The following CCDC43 variants were observed in gnomAD, a reference collection of about 807,000 sequenced individuals.
The protein encoded by CCDC43 is coiled-coil domain-containing protein 43.
Under a neutral mutation model 33.3 loss-of-function variants are expected in CCDC43, and 20 were observed. The ratio of observed to expected loss-of-function variants is 0.60; its 90% CI spans 0.42 to 0.87. The LOEUF (loss-of-function observed/expected upper bound fraction) is 0.87. CCDC43 is among the 40% of genes least tolerant of loss of function. The pLI is 0.00. For synonymous variants in CCDC43, 104 were observed against 106.5 expected, an observed-to-expected ratio of 0.98 and a Z score of 0.14; for missense variants, 248 against 269.9, an observed-to-expected ratio of 0.92 and a Z score of 0.57.
intron 2 of CCDC43, among the ~76,000 whole-genome samples, chr17:44,682,783 G>A (rs1351877532): frequency 1.3e-5 from 2 of 152,064 alleles, no homozygotes; most frequent in African/African-American, 4.8e-5. Context: ...GTGAACCCGG[G>A]GAGGCGGAGC....
At chr17:44,687,655 G>C (rs1972259679) in intron 1 of CCDC43, 1 of 151,022 alleles carries the variant, frequency 6.6e-6, no homozygotes, top group African/African-American at 2.4e-5. Context: ...AACAGAAACA[G>C]CTCCAAATAA....
chr17:44,682,682 C>T (rs1185783451), intron 2 of CCDC43, among the ~76,000 whole-genome samples: 1 of 152,056 alleles, frequency 6.6e-6, no homozygotes, highest in Non-Finnish European at 1.5e-5. Context: ...ACAGTGAAAC[C>T]CCGTCTCTAC....
intron 1 of CCDC43, 111 bp from the exon 2 acceptor site, chr17:44,684,070 A>G (rs979039680): frequency 5.8e-6 from 4 of 695,298 alleles, no homozygotes; most frequent in African/African-American, 1.8e-5. Flanking sequence ...AAATTATGGA[A>G]GGGTCTGGGA....
chr17:44,687,255 C>G (rs1972251568), intron 1 of CCDC43, among the ~76,000 whole-genome samples: 1 of 151,842 alleles, frequency 6.6e-6, no homozygotes. Flanking sequence ...CCAGCCTGGT[C>G]AACATGGTGA....
intron 1 of CCDC43, 129 bp from the exon 2 acceptor site, chr17:44,684,088 T>C (rs1027964295): frequency 9.3e-6 from 6 of 644,574 alleles, no homozygotes; most frequent in South Asian, 1.8e-5. Context: ...GGAGCCACAA[T>C]AGAGTATGTT....
rs1328011503 is a variant in CCDC43 at position 44,682,002 on chromosome 17, T to G, written c.428+1A>C. The G allele has an allele frequency of 4.6e-5, 74 of 1,613,856 alleles. No individual in the cohort carries two copies. Among genetic ancestry groups the G allele is most frequent in the Non-Finnish European group, 6.3e-5 (74 of 1,179,882 alleles). On this transcript the variant is annotated splice_donor_variant, in intron 3 of 4. Transcript: ENST00000315286. LOFTEE classifies it high-confidence loss of function. ...TGGTGCCGAGACTCCAGAAAGGATA[T>G]TCCTCTTCATCTGTCACATCAGCAT...
At chr17:44,689,383 T>C (rs760467817) in intron 1 of CCDC43, 167 bp downstream of exon 1, 12 of 953,336 alleles carry the variant, frequency 1.3e-5, no homozygotes, top group Non-Finnish European at 1.7e-5. Context: ...CCACACCTGG[T>C]TGGGGAGCAA....
intron 4 of CCDC43, among the ~76,000 whole-genome samples, chr17:44,680,294 T>G (rs932325785): frequency 6.6e-6 from 1 of 152,118 alleles, no homozygotes; most frequent in Non-Finnish European, 1.5e-5. Context: ...GACCTCAATA[T>G]TATTTTAATT....
At chr17:44,688,602 T>C (rs918472641) in intron 1 of CCDC43, among the ~76,000 whole-genome samples, 2 of 152,230 alleles carry the variant, frequency 1.3e-5, no homozygotes, top group African/African-American at 4.8e-5. Context: ...AGCAATCAGG[T>C]ATCCAGGATC....
In CCDC43 at chr17:44,682,225, G is replaced by A. The variant is rs562512506; in HGVS notation, c.293-87C>T. On this transcript the variant is annotated intron_variant, in intron 2 of 4. Transcript: ENST00000315286. The stretch of plus-strand genomic sequence containing the variant: ...AGTCCACATAGGCAGCACTTGTACT[G>A]AAGACATTGGCATCTGCTGCCTCCT... 185 of 1,505,672 alleles carry A rather than the reference G, an allele frequency of 1.2e-4. No individual in the cohort carries two copies. The African/African-American group carries it at 2.2e-3, about 18-fold the overall frequency. The allele number at this position is 1,505,672 out of a possible 1,614,324, so 93.3% of individuals were successfully genotyped here.
intron 1 of CCDC43, chr17:44,687,742 C>G (rs1157320639): frequency 6.6e-6 from 1 of 152,194 alleles, no homozygotes; most frequent in Non-Finnish European, 1.5e-5. Flanking sequence ...TTAGAAACTT[C>G]CCAGCTGTAA....
chr17:44,683,862 C>CT lies in CCDC43; in HGVS notation c.292+9dup. On this transcript the variant is annotated intron_variant, in intron 2 of 4. Transcript: ENST00000315286. ...GCTCAGGAAGTTAAACACAGAAACTCTGACTCTACCTTCTTTTTTCACTTT... is the reference window on the plus strand; with the variant it reads ...GCTCAGGAAGTTAAACACAGAAACTCTTGACTCTACCTTCTTTTTTCACTTT... 1 of 1,596,736 alleles carries CT rather than the reference C, an allele frequency of 6.3e-7. No homozygotes were observed. The highest frequency in any genetic ancestry group is 8.6e-7 in the Non-Finnish European group (1 of 1,164,340).
intron 1 of CCDC43, among the ~76,000 whole-genome samples, chr17:44,687,190 C>T (rs1972250120): frequency 2.0e-5 from 3 of 151,848 alleles, no homozygotes; most frequent in Non-Finnish European, 1.5e-5. Context: ...CGCCTATAGC[C>T]CCAGCACTTT....
At chr17:44,689,372 C>T in intron 1 of CCDC43, 178 bp downstream of exon 1, 1 of 853,644 alleles carries the variant, frequency 1.2e-6, no homozygotes, top group South Asian at 1.8e-5. Flanking sequence ...TTTCAGGCTT[C>T]CCACACCTGG....
chr17:44,680,791 T>C (rs1972147591), intron 3 of CCDC43, 148 bp from the exon 4 acceptor site: 1 of 605,550 alleles, frequency 1.7e-6, no homozygotes, highest in African/African-American at 1.8e-5. Flanking sequence ...GATTCATCTT[T>C]GGAAACCTCA....
Position 44,678,810 on chromosome 17 carries a change from C to T in CCDC43, c.*46G>A. 6.4e-7 allele frequency: 1 copy of T among 1,550,510 alleles called. No homozygotes were observed. Among genetic ancestry groups the T allele is most frequent in the Non-Finnish European group, 8.7e-7 (1 of 1,142,964 alleles). ...ATTTCTCTTAAATACACAACCAGTT[C>T]TCCCTTTGATAAGTTCATGGGGGGA... On this transcript the variant is annotated 3_prime_UTR_variant, in exon 5 of 5. Transcript: ENST00000315286.
intron 1 of CCDC43, among the ~76,000 whole-genome samples, chr17:44,687,404 C>G (rs1972254192): frequency 1.3e-5 from 2 of 151,938 alleles, no homozygotes; most frequent in South Asian, 2.1e-4. Context: ...CTACTGCACT[C>G]CAGCCTGGGT....
chr17:44,680,101 C>T (rs2144687187), intron 4 of CCDC43, among the ~76,000 whole-genome samples: 1 of 152,026 alleles, frequency 6.6e-6, no homozygotes, highest in South Asian at 2.1e-4. Context: ...CCTCAGCCTC[C>T]TGAGTATCTG....
At chr17:44,682,164 A>C in intron 2 of CCDC43, 26 bp from the exon 3 acceptor site, 1 of 1,613,582 alleles carries the variant, frequency 6.2e-7, no homozygotes, top group Non-Finnish European at 8.5e-7. Context: ...AGGAAGAACA[A>C]GGTTGTATGA....
Sources: allele counts gnomAD v4.1 joint callset (sites outside exome capture counted in the v4.1 genomes callset), GRCh38; gene constraint gnomAD v4.1.1; transcripts MANE v1.5; gene names NCBI Gene and HGNC (gene_info 2026-07-23, HGNC 2026-07-21).